The following SBNO1 variants were observed in gnomAD, a reference collection of about 807,000 sequenced individuals.
SBNO1 encodes strawberry notch homolog 1.
SBNO1 carries 23 observed loss-of-function variants against 173.6 expected under a neutral mutation model. The observed-to-expected ratio is 0.13, with a 90% CI of 0.10 to 0.19. SBNO1 has a LOEUF of 0.19. Among genes scored for constraint, SBNO1 ranks in the 10% least tolerant of loss-of-function variants. The pLI is 1.00. For missense variants in SBNO1, 1,238 were observed against 1,671.2 expected, an observed-to-expected ratio of 0.74 and a Z score of 4.52; for synonymous variants, 632 against 571.5, an observed-to-expected ratio of 1.11 and a Z score of -1.51.
chr12:123,330,333 C>T, intron 9 of SBNO1, 86 bp downstream of exon 9: 1 of 800,276 alleles, frequency 1.2e-6, no homozygotes, highest in South Asian at 1.5e-5. Context: ...AAAAAGTGTC[C>T]CCTTATATAC....
In SBNO1 at chr12:123,345,363, T is replaced by C. The variant is rs1396299726; in HGVS notation, c.445A>G (p.Lys149Glu). The C allele has an allele frequency of 6.2e-7, 1 of 1,614,066 alleles. No individual in the cohort carries two copies. The highest frequency in any genetic ancestry group is 8.5e-7 in the Non-Finnish European group (1 of 1,180,032). The change falls in exon 4 of 32, where the codon AAA becomes GAA. Residue 149 changes from lysine (K) to glutamate (E), a missense_variant. Physicochemically the swap from Lys to Glu is moderately conservative, Grantham distance 56. This residue lies in a region of SBNO1 where 287 missense variants were observed against 274.1 expected (regional missense o/e 1.05). Coordinates refer to ENST00000602398, the MANE Select transcript of SBNO1 (RefSeq NM_001167856.3). ...AGATCTTTAAGCTGAACTTGGTCTT[T>C]TGAAGGTGCAGAGGTCATGGCATTT... is the stretch of plus-strand genomic sequence containing the variant. The part of the protein sequence containing the change: ...VRNAMTSAPS[K>E]DQVQLKDLLK...
In SBNO1 at chr12:123,299,699, A is replaced by AAAAC. The variant is rs59278070; in HGVS notation, c.3846-1529_3846-1528insGTTT. ...CTGTCTTCAAAAAAAAAAAAAAAAA[A>AAAAC]CAAAAAAGCCAAGTGTGTTGGCGCA... On this transcript the variant is annotated intron_variant, in intron 30 of 31. Coordinates refer to ENST00000602398, the MANE Select transcript of SBNO1 (RefSeq NM_001167856.3). Among the ~76,000 whole-genome samples the AAAAC allele has an allele frequency of 4.6e-5, 7 of 150,676 alleles. No individual in the cohort carries two copies. In the South Asian group the frequency reaches 6.3e-4, roughly 14 times the overall value.
chr12:123,337,702 G>C (rs1438910492), intron 5 of SBNO1, among the ~76,000 whole-genome samples: 1 of 152,002 alleles, frequency 6.6e-6, no homozygotes, highest in African/African-American at 2.4e-5. Flanking sequence ...CAAATGAATA[G>C]ATTTGAATCC....
intron 5 of SBNO1, among the ~76,000 whole-genome samples, chr12:123,339,963 A>G (rs1172663309): frequency 6.6e-6 from 1 of 151,922 alleles, no homozygotes; most frequent in Non-Finnish European, 1.5e-5. Flanking sequence ...TCCCACCTCA[A>G]AGTCTCGTCA....
chr12:123,327,358 C>T (rs548270321), intron 13 of SBNO1, 68 bp downstream of exon 13: 73 of 1,364,410 alleles, frequency 5.4e-5, no homozygotes, highest in Admixed American at 1.9e-4. Flanking sequence ...GCATCGCAAT[C>T]GCCAAAACTA....
intron 29 of SBNO1, 146 bp downstream of exon 29, chr12:123,304,436 A>G (rs1386711608): frequency 5.1e-6 from 3 of 586,106 alleles, no homozygotes; most frequent in East Asian, 3.4e-5. Context: ...GGGTTTCTCC[A>G]TGTTGGTCAG....
intron 4 of SBNO1, 107 bp downstream of exon 4, chr12:123,345,151 C>T (rs1328851361): frequency 1.4e-5 from 13 of 938,450 alleles, no homozygotes; most frequent in Non-Finnish European, 2.1e-5. Context: ...ATGCATATAA[C>T]ACCCTTTTAT....
rs773888295 is a variant in SBNO1 at position 123,327,935 on chromosome 12, C to T, written c.1389G>A (p.Gln463=). ...CAACTCTGGCTTTTGGCAATTTGTT[C>T]TGAAGCTCTAAAACTGCTAAGCCTG... ...TKTGLAVLEL[Q]NKLPKARVVY... Residue 463 remains glutamine (Q), a synonymous_variant, in exon 11 of 32, where the codon CAG becomes CAA. Coordinates refer to ENST00000602398, the MANE Select transcript of SBNO1 (RefSeq NM_001167856.3). 1.2e-6 allele frequency: 2 copies of T among 1,613,216 alleles called. No individual in the cohort carries two copies. Among genetic ancestry groups the T allele is most frequent in the Non-Finnish European group, 1.7e-6 (2 of 1,179,460 alleles).
chr12:123,339,901 T>TACTC lies in SBNO1; in HGVS notation c.651+1083_651+1086dup, dbSNP rs1199570933. ...CCTGGCTTATTTTCACCGAAGCACA[T>TACTC]ACTCACTACCTCCCCTCTGTGCCCA... is the stretch of plus-strand genomic sequence containing the variant. On this transcript the variant is annotated intron_variant, in intron 5 of 31. Coordinates refer to ENST00000602398, the MANE Select transcript of SBNO1 (RefSeq NM_001167856.3). 2.6e-5 allele frequency among the ~76,000 whole-genome samples: 4 copies of TACTC among 152,144 alleles called. 1 individual carries two copies. The highest frequency in any genetic ancestry group is 4.8e-5 in the African/African-American group (2 of 41,430).
chr12:123,353,560 C>A (rs34896222), intron 1 of SBNO1, among the ~76,000 whole-genome samples: 6,305 of 152,062 alleles, frequency 0.041, 189 homozygotes, highest in Non-Finnish European at 0.064. Flanking sequence ...AGAAATGTCC[C>A]AATATAGATT....
intron 28 of SBNO1, among the ~76,000 whole-genome samples, chr12:123,306,203 C>A (rs1443723634): frequency 1.3e-5 from 2 of 152,104 alleles, no homozygotes; most frequent in Non-Finnish European, 2.9e-5. Context: ...ATATCCAAAC[C>A]TATACTTAGA....
At chr12:123,299,085 T>C (rs918010270) in intron 30 of SBNO1, among the ~76,000 whole-genome samples, 5 of 151,900 alleles carry the variant, frequency 3.3e-5, no homozygotes, top group African/African-American at 9.7e-5. Flanking sequence ...TAGCCAGGTA[T>C]GGGCTGGGTG....
chr12:123,303,204 G>A (rs572667681), intron 29 of SBNO1, among the ~76,000 whole-genome samples: 3 of 152,254 alleles, frequency 2.0e-5, no homozygotes, highest in East Asian at 1.9e-4. Flanking sequence ...AAAAGTGGTC[G>A]CTTAACATTT....
intron 10 of SBNO1, 134 bp downstream of exon 10, chr12:123,328,600 T>G: frequency 1.6e-6 from 1 of 642,794 alleles, no homozygotes; most frequent in Non-Finnish European, 2.4e-6. Context: ...TCCAATCCCT[T>G]TGGACTCTAG....
At chr12:123,350,280 TAAGA>T in intron 2 of SBNO1, 26 bp downstream of exon 2, 1 of 1,610,582 alleles carries the variant, frequency 6.2e-7, no homozygotes, top group Non-Finnish European at 8.5e-7. Flanking sequence ...CGGAAATCAC[TAAGA>T]AAGAGAGGCT....
At chr12:123,358,653 G>C (rs1470762748) in intron 1 of SBNO1, among the ~76,000 whole-genome samples, 1 of 146,040 alleles carries the variant, frequency 6.8e-6, no homozygotes, top group Non-Finnish European at 1.5e-5. Flanking sequence ...TGAGGCAGGA[G>C]AATGGCGTGA....
intron 2 of SBNO1, among the ~76,000 whole-genome samples, chr12:123,348,485 G>C (rs1374197737): frequency 6.6e-6 from 1 of 152,206 alleles, no homozygotes; most frequent in Non-Finnish European, 1.5e-5. Context: ...AGCTGGGCTT[G>C]GCCAGGCGCA....
rs2048505347 is a variant in SBNO1 at position 123,291,107 on chromosome 12, T to G, written c.*4801A>C. On this transcript the variant is annotated 3_prime_UTR_variant, in exon 32 of 32. Coordinates refer to ENST00000602398, the MANE Select transcript of SBNO1 (RefSeq NM_001167856.3). ...CACTAGGCCTGCCTCCTGCCTGCTA[T>G]AAATATCCTCAACAGGTTATAAACA... The G allele has an allele frequency of 6.6e-6, 1 of 152,206 alleles. No homozygotes were observed. Among genetic ancestry groups the G allele is most frequent in the African/African-American group, 2.4e-5 (1 of 41,444 alleles). 9.4% of individuals were successfully genotyped at this position (152,206 alleles called of 1,614,324 possible).
intron 7 of SBNO1, among the ~76,000 whole-genome samples, chr12:123,333,249 T>G (rs12316131): frequency 6.6e-6 from 1 of 151,698 alleles, no homozygotes; most frequent in Non-Finnish European, 1.5e-5. Flanking sequence ...TTTACAGATA[T>G]GGAATATGAC....
Sources: gnomAD v4.1 joint callset for allele counts (sites outside exome capture counted in the v4.1 genomes callset) on GRCh38, gnomAD v4.1.1 for gene constraint, gnomAD v4.1.1 regional missense constraint, MANE v1.5 for transcripts, NCBI Gene and HGNC (gene_info 2026-07-23, HGNC 2026-07-21) for gene names.